Variants in KIF26B observed in about 807,000 individuals in gnomAD.
KIF26B encodes the protein kinesin family member 26B, also known as kinesin-like protein KIF26B.
A neutral mutation model predicts 151.2 loss-of-function variants in KIF26B; 63 were observed. The ratio of observed to expected loss-of-function variants is 0.42; its 90% CI spans 0.34 to 0.51. The LOEUF (loss-of-function observed/expected upper bound fraction) is 0.51, where lower values mean the gene tolerates loss of function less well. KIF26B is among the 20% of genes least tolerant of loss of function. The probability of loss-of-function intolerance (pLI) is 0.07; values close to 1 mark genes in which losing one functional copy is unlikely to be tolerated. For missense variants in KIF26B, 2,813 were observed against 2,913.6 expected (o/e 0.97, Z 0.79); for synonymous variants, 1,357 against 1,262.1 (o/e 1.08, Z -1.59).
At chr1:245,263,459 G>A (rs754393564) in intron 2 of KIF26B, among the ~76,000 whole-genome samples, 5 of 152,170 alleles carry the variant, frequency 3.3e-5, no homozygotes, top group Admixed American at 2.0e-4. Context: ...ACACGCTCTA[G>A]TGAGCAGTTT....
chr1:245,195,849 C>T (rs1012425025), intron 2 of KIF26B, among the ~76,000 whole-genome samples: 6 of 152,156 alleles, frequency 3.9e-5, no homozygotes, highest in African/African-American at 9.7e-5. Context: ...GCAGGGTGTG[C>T]TCGGAACCAT....
At chr1:245,620,590 T>C (rs2043647538) in intron 9 of KIF26B, among the ~76,000 whole-genome samples, 1 of 152,028 alleles carries the variant, frequency 6.6e-6, no homozygotes, top group Admixed American at 6.6e-5. Flanking sequence ...TTTGTAGAGA[T>C]GGGGTTTCAC....
chr1:245,225,260 A>C (rs1669850441), intron 2 of KIF26B, among the ~76,000 whole-genome samples: 2 of 152,234 alleles, frequency 1.3e-5, no homozygotes, highest in Admixed American at 1.3e-4. Context: ...GTGAAGGGCC[A>C]GTTAAAGCGC....
intron 9 of KIF26B, among the ~76,000 whole-genome samples, chr1:245,613,751 T>C (rs2043553733): frequency 6.6e-6 from 1 of 152,178 alleles, no homozygotes; most frequent in East Asian, 1.9e-4. Flanking sequence ...CAAAAGCGCC[T>C]CCCTTCCCCC....
intron 3 of KIF26B, among the ~76,000 whole-genome samples, chr1:245,394,691 T>TC (rs199943452): frequency 1.3e-4 from 19 of 143,598 alleles, no homozygotes; most frequent in Non-Finnish European, 1.1e-4. Context: ...TTTCTTTCTT[T>TC]TTTTTTTTTT....
At chr1:245,550,848 G>A (rs1661865189) in intron 5 of KIF26B, among the ~76,000 whole-genome samples, 1 of 152,080 alleles carries the variant, frequency 6.6e-6, no homozygotes, top group African/African-American at 2.4e-5. Flanking sequence ...TACAACAATG[G>A]AAACTCTCAG....
At chr1:245,231,236 TG>T (rs1272661275) in intron 2 of KIF26B, among the ~76,000 whole-genome samples, 2 of 152,124 alleles carry the variant, frequency 1.3e-5, no homozygotes, top group African/African-American at 4.8e-5. Context: ...CAATCTAGGC[TG>T]GGCGCAGTGG....
Position 245,577,956 on chromosome 1 carries a change from C to T in KIF26B, c.1351-24621C>T, listed in dbSNP as rs146600025. Among the ~76,000 whole-genome samples the T allele has an allele frequency of 8.4e-3, 1,275 of 151,178 alleles. 12 individuals carry two copies. Among genetic ancestry groups the T allele is most frequent in the Middle Eastern group, 0.032 (9 of 282 alleles). ...GGAACTCGGCAATGCATCCCCTCACCGGAAGAGCCTTGTGGCACTCCTGGC... is the reference window on the plus strand; with the variant it reads ...GGAACTCGGCAATGCATCCCCTCACTGGAAGAGCCTTGTGGCACTCCTGGC... On this transcript the variant is annotated intron_variant, in intron 5 of 14. Coordinates refer to ENST00000407071, the MANE Select transcript of KIF26B (RefSeq NM_018012.4).
At chr1:245,491,925 G>A (rs1556875) in intron 4 of KIF26B, among the ~76,000 whole-genome samples, 139,073 of 151,982 alleles carry the variant, frequency 0.92, 64,459 homozygotes, top group Non-Finnish European at 0.99. Context: ...AAAAAAATCT[G>A]GTAAACTGAA....
intron 4 of KIF26B, among the ~76,000 whole-genome samples, chr1:245,440,569 G>T (rs1659054700): frequency 6.6e-6 from 1 of 152,134 alleles, no homozygotes. Flanking sequence ...AGCCAGGGGT[G>T]TTCGGGAGCA....
intron 4 of KIF26B, among the ~76,000 whole-genome samples, chr1:245,463,607 T>C (rs1442429227): frequency 6.6e-6 from 1 of 152,190 alleles, no homozygotes; most frequent in Non-Finnish European, 1.5e-5. Flanking sequence ...AGTCAATGGT[T>C]ACTGAAGTTA....
At chr1:245,578,061 G>A (rs191900370) in intron 5 of KIF26B, among the ~76,000 whole-genome samples, 1 of 152,232 alleles carries the variant, frequency 6.6e-6, no homozygotes, top group Non-Finnish European at 1.5e-5. Context: ...TGGAACTGCG[G>A]CAATGAGTCC....
At chr1:245,593,238 G>A (rs962324290) in intron 5 of KIF26B, among the ~76,000 whole-genome samples, 2 of 152,076 alleles carry the variant, frequency 1.3e-5, no homozygotes, top group East Asian at 1.9e-4. Flanking sequence ...TTGTTACATA[G>A]GTATACACAT....
chr1:245,692,583 A>G (rs1488994854), intron 12 of KIF26B, among the ~76,000 whole-genome samples: 2 of 152,198 alleles, frequency 1.3e-5, no homozygotes, highest in East Asian at 3.9e-4. Context: ...CCGTCCCAGC[A>G]AGCAGAGCAA....
intron 2 of KIF26B, among the ~76,000 whole-genome samples, chr1:245,294,753 C>T (rs979635109): frequency 1.3e-5 from 2 of 152,098 alleles, no homozygotes; most frequent in African/African-American, 4.8e-5. Context: ...ACCTCCACCT[C>T]CCGGGTTCAA....
intron 4 of KIF26B, among the ~76,000 whole-genome samples, chr1:245,492,558 C>G (rs1660429793): frequency 6.6e-6 from 1 of 152,142 alleles, no homozygotes; most frequent in South Asian, 2.1e-4. Context: ...AAAAGAAAAA[C>G]AAAGGCGGCA....
rs1402136405 is a variant in KIF26B, at chr1:245,551,511, T to C, written c.1350+10561T>C. Among the ~76,000 whole-genome samples the C allele has an allele frequency of 2.0e-5, 3 of 152,308 alleles. No homozygotes were observed. The East Asian group carries it at 5.8e-4, about 29-fold the overall frequency. On this transcript the variant is annotated intron_variant, in intron 5 of 14. Coordinates refer to ENST00000407071, the MANE Select transcript of KIF26B (RefSeq NM_018012.4). ...TCGGAAAAACAGAGAGCAGGGTTTGTAGCTTGGCCTTTCCCCTACCTTGTT... is the reference window on the plus strand; with the variant it reads ...TCGGAAAAACAGAGAGCAGGGTTTGCAGCTTGGCCTTTCCCCTACCTTGTT...
At chr1:245,213,446 G>A (rs1191723244) in intron 2 of KIF26B, among the ~76,000 whole-genome samples, 1 of 152,196 alleles carries the variant, frequency 6.6e-6, no homozygotes, top group Non-Finnish European at 1.5e-5. Context: ...CTGAGAAGAG[G>A]GATCAGCAAA....
At chr1:245,570,356 G>C (rs566670727) in intron 5 of KIF26B, among the ~76,000 whole-genome samples, 1 of 151,950 alleles carries the variant, frequency 6.6e-6, no homozygotes, top group South Asian at 2.1e-4. Context: ...TCCCACATTC[G>C]GTCCATCACC....
Sources: gnomAD v4.1 joint callset for allele counts (sites outside exome capture counted in the v4.1 genomes callset) on GRCh38, gnomAD v4.1.1 for gene constraint, MANE v1.5 for transcripts, NCBI Gene and HGNC (gene_info 2026-07-23, HGNC 2026-07-21) for gene names.